The following AFF1 variants were observed in gnomAD, a reference collection of about 807,000 sequenced individuals.
The protein encoded by AFF1 is ALF transcription elongation factor 1.
AFF1 carries 48 observed loss-of-function variants against 121.7 expected under a neutral mutation model. The ratio of observed to expected loss-of-function variants is 0.39; its 90% CI spans 0.31 to 0.50. The LOEUF is 0.50. Ranked by LOEUF, AFF1 falls within the 20% of genes least tolerant of loss-of-function variation. AFF1 has a pLI of 0.76. For missense variants in AFF1, 1,523 were observed against 1,511.7 expected, an observed-to-expected ratio of 1.01 and a Z score of -0.12; for synonymous variants, 613 against 563.0, an observed-to-expected ratio of 1.09 and a Z score of -1.26.
intron 8 of AFF1, among the ~76,000 whole-genome samples, chr4:87,101,872 T>C (rs1470250178): frequency 6.6e-6 from 1 of 152,270 alleles, no homozygotes; most frequent in African/African-American, 2.4e-5. Context: ...AATAAGGTTA[T>C]GTAAATACTT....
At chr4:87,033,917 T>C (rs1729305181) in intron 2 of AFF1, among the ~76,000 whole-genome samples, 1 of 152,208 alleles carries the variant, frequency 6.6e-6, no homozygotes, top group Non-Finnish European at 1.5e-5. Flanking sequence ...AATATTCATA[T>C]GACCTGATGG....
At chr4:87,133,652 G>C (rs1560665785) in intron 19 of AFF1, among the ~76,000 whole-genome samples, 1 of 152,188 alleles carries the variant, frequency 6.6e-6, no homozygotes, top group Non-Finnish European at 1.5e-5. Flanking sequence ...AAGAACCACT[G>C]CCCTCATGGA....
At chr4:86,985,934 AATTG>A (rs34843628) in intron 2 of AFF1, among the ~76,000 whole-genome samples, 95,672 of 151,380 alleles carry the variant, frequency 0.63, 33,146 homozygotes, top group South Asian at 0.8. Flanking sequence ...GATTACCACT[AATTG>A]ATAATACTGT....
chr4:86,957,063 T>C (rs778946111), intron 2 of AFF1, among the ~76,000 whole-genome samples: 10 of 152,086 alleles, frequency 6.6e-5, no homozygotes, highest in Admixed American at 3.3e-4. Context: ...TGGAGGAGAA[T>C]GAATTAATAT....
intron 2 of AFF1, among the ~76,000 whole-genome samples, chr4:87,024,363 G>A (rs1293278362): frequency 1.3e-5 from 2 of 152,124 alleles, no homozygotes; most frequent in African/African-American, 2.4e-5. Context: ...CATGGTATGT[G>A]TAAAATTCCT....
intron 2 of AFF1, among the ~76,000 whole-genome samples, chr4:87,014,476 A>G (rs1727111745): frequency 6.6e-6 from 1 of 152,204 alleles, no homozygotes; most frequent in Admixed American, 6.5e-5. Flanking sequence ...TTTAAATGGA[A>G]CTCCTACTGG....
intron 4 of AFF1, among the ~76,000 whole-genome samples, chr4:87,082,684 C>A (rs923425662): frequency 6.6e-6 from 1 of 152,166 alleles, no homozygotes; most frequent in Non-Finnish European, 1.5e-5. Context: ...CCGCCTCGGC[C>A]TCCCAAAGTG....
At position 87,034,657 on chromosome 4, in the gene AFF1, G is replaced by T. The variant is rs143258612; in HGVS notation, c.39-11509G>T. 4.0e-3 allele frequency among the ~76,000 whole-genome samples: 604 copies of T among 152,312 alleles called. 5 individuals are homozygous for T. Among genetic ancestry groups the T allele is most frequent in the African/African-American group, 0.014 (581 of 41,572 alleles). On this transcript the variant is annotated intron_variant, in intron 2 of 20. Transcript: ENST00000395146. ...TAATTAATAAGTATGGTAAACTGAAGAATAAAACATGTAACATTAACTGAT... is the reference window on the plus strand; with the variant it reads ...TAATTAATAAGTATGGTAAACTGAATAATAAAACATGTAACATTAACTGAT...
chr4:86,952,457 A>G (rs1290931810), intron 2 of AFF1, among the ~76,000 whole-genome samples: 1 of 152,214 alleles, frequency 6.6e-6, no homozygotes, highest in African/African-American at 2.4e-5. Context: ...AATCAATTAT[A>G]TTAGGTAAAA....
intron 12 of AFF1, among the ~76,000 whole-genome samples, chr4:87,118,972 C>G (rs1727395487): frequency 6.6e-6 from 1 of 152,124 alleles, no homozygotes; most frequent in Non-Finnish European, 1.5e-5. Context: ...TTGGTTCACT[C>G]TAGTGGTCCA....
chr4:86,967,604 A>G (rs909553265), intron 2 of AFF1, among the ~76,000 whole-genome samples: 5 of 152,048 alleles, frequency 3.3e-5, no homozygotes, highest in Non-Finnish European at 5.9e-5. Context: ...TAAGTAGTGC[A>G]TGGGAGAGCT....
At chr4:86,990,475 A>T (rs1377859312) in intron 2 of AFF1, among the ~76,000 whole-genome samples, 1 of 152,138 alleles carries the variant, frequency 6.6e-6, no homozygotes, top group African/African-American at 2.4e-5. Context: ...CCATAAGACT[A>T]ATCTCTGGAG....
chr4:86,961,519 C>T (rs536127587), intron 2 of AFF1, among the ~76,000 whole-genome samples: 10 of 151,006 alleles, frequency 6.6e-5, no homozygotes, highest in Admixed American at 1.3e-4. Context: ...GTCAGAGAAA[C>T]GTGCATCTTT....
intron 4 of AFF1, among the ~76,000 whole-genome samples, chr4:87,076,844 G>A (rs1437351662): frequency 6.6e-6 from 1 of 152,196 alleles, no homozygotes; most frequent in Non-Finnish European, 1.5e-5. Context: ...GCTGAAGTAG[G>A]CACACCCAGG....
At chr4:86,982,574 TG>T (rs1239364365) in intron 2 of AFF1, among the ~76,000 whole-genome samples, 1 of 151,368 alleles carries the variant, frequency 6.6e-6, no homozygotes, top group Non-Finnish European at 1.5e-5. Context: ...TAAAAGAACT[TG>T]GGCTGGGCGT....
Position 87,114,783 on chromosome 4 carries a change from C to A in AFF1, c.1950C>A (p.Pro650=), listed in dbSNP as rs1355666520. The change falls in exon 12 of 21, where the codon CCC becomes CCA. Residue 650 remains proline, a synonymous_variant. Coordinates refer to ENST00000395146, the MANE Select transcript of AFF1 (RefSeq NM_001166693.3). ...GAGACCAGACTTCCAAAGACAAGCC[C>A]AAGGTGAAGACGAAAGGACGGCCCC... ...GSRDQTSKDK[P]KVKTKGRPRA... 1 of 1,613,158 alleles carries A rather than the reference C, an allele frequency of 6.2e-7. No individual in the cohort carries two copies. The highest frequency in any genetic ancestry group is 1.3e-5 in the African/African-American group (1 of 74,796).
At chr4:86,998,843 T>TCC (rs34282309) in intron 2 of AFF1, among the ~76,000 whole-genome samples, 2 of 152,190 alleles carry the variant, frequency 1.3e-5, no homozygotes, top group Non-Finnish European at 2.9e-5. Context: ...AGTGAGCTCT[T>TCC]CCCACTCCCA....
intron 2 of AFF1, among the ~76,000 whole-genome samples, chr4:86,986,040 C>CAATTTAATTTAATTTAATTT (rs60227626): frequency 0.012 from 1,668 of 135,576 alleles, 17 homozygotes; most frequent in African/African-American, 0.032. Flanking sequence ...TAATTCAATT[C>CAATTTAATTTAATTTAATTT]AATTTAATTT....
intron 19 of AFF1, among the ~76,000 whole-genome samples, chr4:87,132,714 A>G (rs1203840288): frequency 6.6e-6 from 1 of 152,166 alleles, no homozygotes; most frequent in Non-Finnish European, 1.5e-5. Flanking sequence ...TTTTTGAGAC[A>G]GAGTCTTGCT....
Sources: allele counts gnomAD v4.1 joint callset (sites outside exome capture counted in the v4.1 genomes callset), GRCh38; gene constraint gnomAD v4.1.1; transcripts MANE v1.5; gene names NCBI Gene and HGNC (gene_info 2026-07-23, HGNC 2026-07-21).